The following CDC14B variants were observed in gnomAD, a reference collection of about 807,000 sequenced individuals.
The protein encoded by CDC14B is dual specificity protein phosphatase CDC14B.
Under a neutral mutation model 64.2 loss-of-function variants are expected in CDC14B, and 22 were observed. The ratio of observed to expected loss-of-function variants is 0.34; its 90% CI spans 0.24 to 0.49. CDC14B has a LOEUF of 0.49. Ranked by LOEUF, CDC14B falls within the 20% of genes least tolerant of loss-of-function variation. CDC14B has a pLI of 0.99. For missense variants in CDC14B, 498 were observed against 629.9 expected, an observed-to-expected ratio of 0.79 and a Z score of 2.24; for synonymous variants, 191 against 215.8, an observed-to-expected ratio of 0.89 and a Z score of 1.01.
chr9:96,582,799 T>C (rs903518493), intron 1 of CDC14B, among the ~76,000 whole-genome samples: 1 of 152,216 alleles, frequency 6.6e-6, no homozygotes, highest in African/African-American at 2.4e-5. Flanking sequence ...TAAACTCTCA[T>C]CTGAGACTTT....
chr9:96,606,163 A>T (rs1846902692), intron 1 of CDC14B, among the ~76,000 whole-genome samples: 1 of 151,114 alleles, frequency 6.6e-6, no homozygotes, highest in Non-Finnish European at 1.5e-5. Flanking sequence ...GCAAAACCCC[A>T]TTTCAACTAA....
intron 1 of CDC14B, among the ~76,000 whole-genome samples, chr9:96,593,238 C>G (rs1308584030): frequency 6.6e-6 from 1 of 152,130 alleles, no homozygotes; most frequent in East Asian, 1.9e-4. Flanking sequence ...CCTGTAATCC[C>G]AGCACTTTGG....
chr9:96,517,479 C>T (rs1223201336), intron 12 of CDC14B, among the ~76,000 whole-genome samples: 2 of 149,444 alleles, frequency 1.3e-5, no homozygotes, highest in Admixed American at 1.3e-4. Context: ...GGTGAAACCC[C>T]GTCTCTACTA....
chr9:96,588,925 T>C (rs1017657341), intron 1 of CDC14B, among the ~76,000 whole-genome samples: 1 of 152,246 alleles, frequency 6.6e-6, no homozygotes, highest in Non-Finnish European at 1.5e-5. Context: ...AACTATGAAG[T>C]AGATTTAAAT....
chr9:96,545,950 A>T (rs756305697), intron 5 of CDC14B, among the ~76,000 whole-genome samples: 3 of 152,208 alleles, frequency 2.0e-5, no homozygotes, highest in Non-Finnish European at 2.9e-5. Flanking sequence ...GCAGAACAGC[A>T]ACTCTGAGGC....
intron 13 of CDC14B, 106 bp downstream of exon 13, chr9:96,509,567 C>T (rs539903083): frequency 3.7e-5 from 28 of 756,932 alleles, no homozygotes; most frequent in East Asian, 2.2e-4. Context: ...ATCACAGAGA[C>T]TCTACTTTCT....
intron 1 of CDC14B, among the ~76,000 whole-genome samples, chr9:96,616,034 A>G (rs755484189): frequency 3.3e-5 from 5 of 152,222 alleles, no homozygotes; most frequent in Non-Finnish European, 7.3e-5. Flanking sequence ...CCATCAAAAG[A>G]TAACTAATCA....
chr9:96,516,936 G>A (rs1835761257), intron 12 of CDC14B, among the ~76,000 whole-genome samples: 1 of 152,000 alleles, frequency 6.6e-6, no homozygotes, highest in Non-Finnish European at 1.5e-5. Context: ...TTACAGGCAT[G>A]TGCCACCATG....
chr9:96,616,707 G>A lies in CDC14B; in HGVS notation c.160+2512C>T, dbSNP rs1432541592. Among the ~76,000 whole-genome samples, 3 of 150,432 alleles carry A rather than the reference G, an allele frequency of 2.0e-5. No individual in the cohort carries two copies. The East Asian group carries it at 5.8e-4, about 29-fold the overall frequency. On this transcript the variant is annotated intron_variant, in intron 1 of 13. Coordinates refer to ENST00000375241, the MANE Select transcript of CDC14B (RefSeq NM_033331.4). Reference sequence around the variant, plus strand: ...CCACTGCACACCAGCCTGGGCAACAGAGCGAGACTCTGTCTCAAAAAAAAA... The same window carrying A: ...CCACTGCACACCAGCCTGGGCAACAAAGCGAGACTCTGTCTCAAAAAAAAA...
In CDC14B at chr9:96,581,770, T is replaced by C. The variant is rs535393691; in HGVS notation, c.161-16287A>G. 1.5e-4 allele frequency among the ~76,000 whole-genome samples: 23 copies of C among 152,292 alleles called. No individual in the cohort carries two copies. In the South Asian group the frequency reaches 4.3e-3, roughly 29 times the overall value. On this transcript the variant is annotated intron_variant, in intron 1 of 13. Transcript: ENST00000375241. ...TTCATCTTTCACAGTTATGTCCCCC[T>C]TAACCTTGGTGTCCTCTGCATCCCT...
At chr9:96,525,473 A>C (rs999300631) in intron 9 of CDC14B, among the ~76,000 whole-genome samples, 2 of 151,006 alleles carry the variant, frequency 1.3e-5, no homozygotes, top group African/African-American at 4.9e-5. Context: ...AGGCCTGCCT[A>C]CTCCTTGATT....
chr9:96,509,642 A>G (rs1299976913), intron 13 of CDC14B, 31 bp downstream of exon 13: 2 of 1,368,260 alleles, frequency 1.5e-6, no homozygotes, highest in Non-Finnish European at 2.1e-6. Flanking sequence ...AACGCTTGCA[A>G]CTTTTCAGAA....
At chr9:96,576,953 C>A (rs1844848487) in intron 1 of CDC14B, among the ~76,000 whole-genome samples, 2 of 152,046 alleles carry the variant, frequency 1.3e-5, no homozygotes, top group African/African-American at 2.4e-5. Flanking sequence ...GACTACAATA[C>A]AATAAAAGAA....
intron 4 of CDC14B, among the ~76,000 whole-genome samples, chr9:96,561,652 G>A (rs1431881224): frequency 1.4e-5 from 2 of 146,622 alleles, no homozygotes; most frequent in Non-Finnish European, 3.0e-5. Context: ...CTCATTTTTT[G>A]TATTTTTTTT....
intron 13 of CDC14B, among the ~76,000 whole-genome samples, chr9:96,507,951 A>T (rs1323764278): frequency 2.6e-5 from 4 of 152,158 alleles, no homozygotes; most frequent in Non-Finnish European, 5.9e-5. Flanking sequence ...ATATTTATAC[A>T]TCTCTATATT....
chr9:96,564,870 A>T lies in CDC14B; in HGVS notation c.252-18T>A. 1 of 1,539,058 alleles carries T rather than the reference A, an allele frequency of 6.5e-7. No homozygotes were observed. Among genetic ancestry groups the T allele is most frequent in the East Asian group, 2.3e-5 (1 of 44,012 alleles). ...CGTAGAAGCTTTAAAAATGAAAAAT[A>T]AAAATGTGATGTACATTCTAGATGC... On this transcript the variant is annotated intron_variant, in intron 2 of 13. Coordinates refer to ENST00000375241, the MANE Select transcript of CDC14B (RefSeq NM_033331.4).
At chr9:96,590,430 G>A (rs892851757) in intron 1 of CDC14B, among the ~76,000 whole-genome samples, 1 of 152,190 alleles carries the variant, frequency 6.6e-6, no homozygotes, top group South Asian at 2.1e-4. Context: ...CTTGGCTCTT[G>A]TGAAAAATGC....
At chr9:96,526,342 T>G (rs1837559357) in intron 9 of CDC14B, among the ~76,000 whole-genome samples, 1 of 152,160 alleles carries the variant, frequency 6.6e-6, no homozygotes, top group African/African-American at 2.4e-5. Flanking sequence ...TACTCCAGCC[T>G]GGGAGACAGA....
intron 11 of CDC14B, 64 bp downstream of exon 11, chr9:96,523,197 C>A: frequency 6.5e-7 from 1 of 1,537,736 alleles, no homozygotes. Context: ...TTTCTCCATA[C>A]CCTGACAGGT....
Sources: allele counts gnomAD v4.1 joint callset (sites outside exome capture counted in the v4.1 genomes callset), GRCh38; gene constraint gnomAD v4.1.1; transcripts MANE v1.5; gene names NCBI Gene and HGNC (gene_info 2026-07-23, HGNC 2026-07-21).